The following FARP2 variants were observed in gnomAD, a reference collection of about 807,000 sequenced individuals.
FARP2 encodes FERM, ARHGEF and pleckstrin domain-containing protein 2.
Under a neutral mutation model 130.5 loss-of-function variants are expected in FARP2, and 111 were observed. That is an observed-to-expected ratio of 0.85 (90% CI 0.73 to 1.00). The LOEUF (loss-of-function observed/expected upper bound fraction) is 1.00. Among genes scored for constraint, FARP2 ranks in the 50% least tolerant of loss-of-function variants. The probability of loss-of-function intolerance (pLI) is 0.00; values close to 1 mark genes in which losing one functional copy is unlikely to be tolerated. For missense variants in FARP2, 1,385 were observed against 1,346.3 expected (o/e 1.03, Z -0.45); for synonymous variants, 504 against 516.9 (o/e 0.98, Z 0.34).
chr2:241,490,153 T>C, intron 22 of FARP2, 109 bp downstream of exon 22: 1 of 777,152 alleles, frequency 1.3e-6, no homozygotes, highest in Non-Finnish European at 2.3e-6. Flanking sequence ...TGTAGCCTCA[T>C]GGGGTTGTGC....
intron 19 of FARP2, among the ~76,000 whole-genome samples, chr2:241,481,046 T>C (rs931413301): frequency 1.6e-5 from 2 of 124,702 alleles, no homozygotes; most frequent in Non-Finnish European, 3.3e-5. Flanking sequence ...TACTGATACC[T>C]TGTCTCTACC....
chr2:241,365,772 A>G (rs899157190), intron 1 of FARP2, among the ~76,000 whole-genome samples: 58 of 152,160 alleles, frequency 3.8e-4, no homozygotes, highest in African/African-American at 1.3e-3. Flanking sequence ...TTTACAGTTA[A>G]GACCATTTGT....
In FARP2 at chr2:241,466,640, C is replaced by T. The variant is rs1384312892; in HGVS notation, c.1894-1500C>T. On this transcript the variant is annotated intron_variant, in intron 17 of 26. Coordinates refer to ENST00000264042, the MANE Select transcript of FARP2 (RefSeq NM_014808.4). ...GCATCCCCACCTGGCCCTCACCACCCCTCACCCCCAGGCAGCGGGCCAGCC... is the reference window on the plus strand; with the variant it reads ...GCATCCCCACCTGGCCCTCACCACCTCTCACCCCCAGGCAGCGGGCCAGCC... The T allele has an allele frequency of 2.4e-5, 24 of 983,774 alleles. No homozygotes were observed. The African/African-American group carries it at 3.5e-4, about 14-fold the overall frequency. 60.9% of individuals were successfully genotyped at this position (983,774 alleles called of 1,614,324 possible). A position where few individuals can be genotyped will look rare whatever the true frequency, so the allele number is the denominator to read the frequency against.
At chr2:241,363,441 G>T (rs1048625304) in intron 1 of FARP2, among the ~76,000 whole-genome samples, 4 of 152,218 alleles carry the variant, frequency 2.6e-5, no homozygotes, top group Admixed American at 2.6e-4. Flanking sequence ...TAGGTTTCTG[G>T]TTGGAGTCTG....
chr2:241,493,234 A>G (rs928432918), intron 25 of FARP2, 59 bp from the exon 26 acceptor site: 52 of 1,571,720 alleles, frequency 3.3e-5, no homozygotes, highest in South Asian at 7.8e-5. Context: ...TAGCAGAGGA[A>G]TGGGCATTCC....
Position 241,491,518 on chromosome 2 carries a change from T to TC in FARP2, c.2631dup (p.Asn878GlnfsTer12), listed in dbSNP as rs762277871. 15 of 1,612,924 alleles carry TC rather than the reference T, an allele frequency of 9.3e-6. No individual in the cohort carries two copies. The highest frequency in any genetic ancestry group is 2.2e-5 in the East Asian group (1 of 44,818). On this transcript the variant is annotated frameshift_variant, in exon 24 of 27. Transcript: ENST00000264042. LOFTEE classifies it high-confidence loss of function. ...AGACGCTGCTGACTTCTCCCCAGGA[T>TC]CCCCCAACGAGGTATCTCTGGAGCA...
In FARP2 at chr2:241,441,459, G is replaced by C; in HGVS notation, c.1314G>C (p.Lys438Asn). 1 of 1,614,212 alleles carries C rather than the reference G, an allele frequency of 6.2e-7. No homozygotes were observed. Among genetic ancestry groups the C allele is most frequent in the Non-Finnish European group, 8.5e-7 (1 of 1,180,038 alleles). ...SLTDPQVSYV[K>N]SPAAERRSGA... ...CAGATCCCCAGGTTTCCTACGTCAA[G>C]AGTCCAGCTGCAGAGAGGCGCAGTG... is the stretch of plus-strand genomic sequence containing the variant. Residue 438 changes from lysine (K) to asparagine (N), a missense_variant, in exon 13 of 27, where the codon AAG (lysine) becomes AAC (asparagine). Lys to Asn is a moderately conservative substitution (Grantham distance 94). Transcript: ENST00000264042.
At position 241,454,971 on chromosome 2, in the gene FARP2, C is replaced by T. The variant is rs191434701; in HGVS notation, c.1412-1776C>T. Reference sequence around the variant, plus strand: ...TTGTCAATGTGAAAATAAGGACTCCCTCCCCTCCATCTCCCATGTCCCACT... The same window carrying T: ...TTGTCAATGTGAAAATAAGGACTCCTTCCCCTCCATCTCCCATGTCCCACT... On this transcript the variant is annotated intron_variant, in intron 13 of 26. Coordinates refer to ENST00000264042, the MANE Select transcript of FARP2 (RefSeq NM_014808.4). Among the ~76,000 whole-genome samples, 6 of 152,320 alleles carry T rather than the reference C, an allele frequency of 3.9e-5. No individual in the cohort carries two copies. In the East Asian group the frequency reaches 9.6e-4, roughly 24 times the overall value.
At chr2:241,489,744 G>C (rs562836753) in intron 21 of FARP2, 3 of 475,790 alleles carry the variant, frequency 6.3e-6, no homozygotes, top group Middle Eastern at 5.7e-4. Flanking sequence ...GAGTATTTGG[G>C]TGCCCTCTGG....
intron 13 of FARP2, among the ~76,000 whole-genome samples, chr2:241,452,123 G>C (rs538484757): frequency 3.1e-4 from 47 of 152,260 alleles, no homozygotes; most frequent in African/African-American, 1.0e-3. Flanking sequence ...GGAGCACTAC[G>C]GCCAAGTGTC....
intron 14 of FARP2, among the ~76,000 whole-genome samples, chr2:241,458,135 C>G (rs953073741): frequency 2.6e-5 from 4 of 152,074 alleles, no homozygotes; most frequent in Non-Finnish European, 5.9e-5. Flanking sequence ...GGGAGTCTGC[C>G]TACAGCTACG....
At chr2:241,493,528 A>C in intron 26 of FARP2, 84 bp downstream of exon 26, 1 of 1,306,934 alleles carries the variant, frequency 7.7e-7, no homozygotes, top group Non-Finnish European at 1.1e-6. Flanking sequence ...GGTGGAGGCA[A>C]GTTTTCTGGG....
rs767810159 is a variant in FARP2 at position 241,421,415 on chromosome 2, G to A, written c.771+3306G>A. Among the ~76,000 whole-genome samples, 36 of 152,238 alleles carry A rather than the reference G, an allele frequency of 2.4e-4. 1 individual carries two copies. The highest frequency in any genetic ancestry group is 4.6e-4 in the Non-Finnish European group (31 of 68,050). Reference sequence around the variant, plus strand: ...GGCCCACTTCCACAGCACCTCACAAGTTAAGACCCACTGGCTTGGAATTCT... The same window carrying A: ...GGCCCACTTCCACAGCACCTCACAAATTAAGACCCACTGGCTTGGAATTCT... On this transcript the variant is annotated intron_variant, in intron 8 of 26. Coordinates refer to ENST00000264042, the MANE Select transcript of FARP2 (RefSeq NM_014808.4).
chr2:241,378,345 AAGTG>A (rs1310074767), intron 2 of FARP2, among the ~76,000 whole-genome samples: 2 of 150,144 alleles, frequency 1.3e-5, no homozygotes, highest in East Asian at 3.9e-4. Context: ...TCCTGACCTT[AAGTG>A]ATCCGCCTCC....
At chr2:241,378,416 AT>A (rs10692211) in intron 2 of FARP2, among the ~76,000 whole-genome samples, 54 of 107,626 alleles carry the variant, frequency 5.0e-4, no homozygotes, top group Non-Finnish European at 3.9e-4. Flanking sequence ...TGCCTGGCCT[AT>A]TTTTTTTTTT....
intron 4 of FARP2, 89 bp downstream of exon 4, chr2:241,404,930 C>T (rs905916142): frequency 1.1e-6 from 1 of 952,362 alleles, no homozygotes. Flanking sequence ...TGTTCATTCT[C>T]ACCACCGTGT....
chr2:241,479,453 G>A (rs3821284), intron 19 of FARP2, among the ~76,000 whole-genome samples: 3,985 of 152,318 alleles, frequency 0.026, 401 homozygotes, highest in Admixed American at 0.18. Flanking sequence ...AGGTGGGATC[G>A]CTGGTTGCTA....
intron 2 of FARP2, chr2:241,395,823 A>G (rs1359829515): frequency 6.6e-6 from 1 of 152,146 alleles, no homozygotes. Context: ...TTTGTTTTCC[A>G]ATAATTTCAG....
At chr2:241,376,070 T>C (rs148916803) in intron 2 of FARP2, among the ~76,000 whole-genome samples, 49 of 152,222 alleles carry the variant, frequency 3.2e-4, no homozygotes, top group African/African-American at 1.2e-3. Flanking sequence ...CAGGTCTGTT[T>C]GTTGGTTTGG....
Sources: gnomAD v4.1 joint callset for allele counts (sites outside exome capture counted in the v4.1 genomes callset) on GRCh38, gnomAD v4.1.1 for gene constraint, MANE v1.5 for transcripts, NCBI Gene and HGNC (gene_info 2026-07-23, HGNC 2026-07-21) for gene names.